The following RELN variants were observed in gnomAD, a reference collection of about 807,000 sequenced individuals.
The protein encoded by RELN is reelin.
A neutral mutation model predicts 427.6 loss-of-function variants in RELN; 108 were observed. That is an observed-to-expected ratio of 0.25 (90% confidence interval 0.22 to 0.30). The LOEUF (loss-of-function observed/expected upper bound fraction) is 0.30. Ranked by LOEUF, RELN falls within the 10% of genes least tolerant of loss-of-function variation. The pLI is 1.00. For missense variants in RELN, 3,715 were observed against 4,302.8 expected, an observed-to-expected ratio of 0.86 and a Z score of 3.82; for synonymous variants, 1,524 against 1,513.4, an observed-to-expected ratio of 1.01 and a Z score of -0.16.
At chr7:103,796,764 G>A (rs1007283737) in intron 3 of RELN, among the ~76,000 whole-genome samples, 8 of 151,468 alleles carry the variant, frequency 5.3e-5, no homozygotes, top group Admixed American at 1.3e-4. Context: ...GGGAGGTTGA[G>A]GCAGAAGAAT....
At position 103,583,728 on chromosome 7, in the gene RELN, T is replaced by C. The variant is rs531970429; in HGVS notation, c.4145+5868A>G. On this transcript the variant is annotated intron_variant, in intron 28 of 64. Coordinates refer to ENST00000428762, the MANE Select transcript of RELN (RefSeq NM_005045.4). ...AGGCACAAAAGGAGAAGGAAACAAG[T>C]AGCCAGCATGGCTGAGATTGGCCAG... Among the ~76,000 whole-genome samples, 3 of 152,306 alleles carry C rather than the reference T, an allele frequency of 2.0e-5. No individual in the cohort carries two copies. In the South Asian group the frequency reaches 6.2e-4, roughly 32 times the overall value.
At chr7:103,602,808 T>G (rs1273435173) in intron 24 of RELN, among the ~76,000 whole-genome samples, 1 of 152,058 alleles carries the variant, frequency 6.6e-6, no homozygotes, top group East Asian at 1.9e-4. Context: ...TCTGCACATG[T>G]ACCCCAGAAC....
intron 1 of RELN, among the ~76,000 whole-genome samples, chr7:103,945,938 A>G (rs1468326987): frequency 6.6e-6 from 1 of 152,168 alleles, no homozygotes; most frequent in Non-Finnish European, 1.5e-5. Flanking sequence ...AGGCTGCACC[A>G]TCTAAGTTTG....
intron 8 of RELN, among the ~76,000 whole-genome samples, chr7:103,707,566 T>A (rs1193218529): frequency 6.6e-6 from 1 of 151,858 alleles, no homozygotes; most frequent in Admixed American, 6.6e-5. Context: ...TGGCGCGATC[T>A]CGGCTCACTG....
intron 3 of RELN, among the ~76,000 whole-genome samples, chr7:103,783,164 C>T (rs67948318): frequency 0.024 from 2,668 of 109,298 alleles, 54 homozygotes; most frequent in Admixed American, 0.055. Context: ...CTCTTTCTTT[C>T]TTTTTTTTTT....
intron 6 of RELN, among the ~76,000 whole-genome samples, chr7:103,735,906 G>C (rs1263151245): frequency 6.6e-6 from 1 of 152,182 alleles, no homozygotes; most frequent in Non-Finnish European, 1.5e-5. Flanking sequence ...CAGTATTTCT[G>C]AATGGAGATA....
chr7:103,839,779 T>C (rs1793506634), intron 2 of RELN, among the ~76,000 whole-genome samples: 2 of 152,194 alleles, frequency 1.3e-5, no homozygotes, highest in South Asian at 4.1e-4. Context: ...CACAACCCTA[T>C]GAAGTAGGAG....
rs192864149 is a variant in RELN at position 103,647,771 on chromosome 7, C to T, written c.2002+2503G>A. On this transcript the variant is annotated intron_variant, in intron 16 of 64. Coordinates refer to ENST00000428762, the MANE Select transcript of RELN (RefSeq NM_005045.4). ...GCAATCCTAAGCAAAAAGAACAAAG[C>T]TGGAGGCATCACATTACCTCACTTC... is the stretch of plus-strand genomic sequence containing the variant. Among the ~76,000 whole-genome samples the T allele has an allele frequency of 2.2e-3, 333 of 152,040 alleles. 1 individual carries two copies. Among genetic ancestry groups the T allele is most frequent in the African/African-American group, 7.4e-3 (308 of 41,500 alleles).
At chr7:103,598,596 AG>A (rs1428894251) in intron 24 of RELN, among the ~76,000 whole-genome samples, 1 of 152,230 alleles carries the variant, frequency 6.6e-6, no homozygotes, top group Admixed American at 6.5e-5. Flanking sequence ...TGTGAAATTC[AG>A]AGTAGTGTTG....
At chr7:103,670,540 T>G (rs200336945) in intron 11 of RELN, among the ~76,000 whole-genome samples, 10 of 27,164 alleles carry the variant, frequency 3.7e-4, no homozygotes, top group African/African-American at 5.1e-4. Context: ...GTTTTGCGGG[T>G]TTTTTTTTGG....
intron 2 of RELN, among the ~76,000 whole-genome samples, chr7:103,852,924 A>G (rs1793860004): frequency 6.6e-6 from 1 of 152,042 alleles, no homozygotes; most frequent in South Asian, 2.1e-4. Flanking sequence ...GACAAATAAC[A>G]ATACTTTTTA....
chr7:103,962,182 C>T (rs1472256750), intron 1 of RELN, among the ~76,000 whole-genome samples: 2 of 152,154 alleles, frequency 1.3e-5, no homozygotes, highest in African/African-American at 2.4e-5. Context: ...CCCTGTTCCC[C>T]GTGCTGAACT....
At chr7:103,762,675 T>C (rs1211048596) in intron 4 of RELN, among the ~76,000 whole-genome samples, 1 of 152,192 alleles carries the variant, frequency 6.6e-6, no homozygotes, top group East Asian at 1.9e-4. Context: ...ACTAAAACCA[T>C]TGTTGTTAGA....
At chr7:103,926,627 G>GTTTTTTTTTTTTTTTTTTTTTTTTTT (rs60259062) in intron 1 of RELN, among the ~76,000 whole-genome samples, 1 of 99,462 alleles carries the variant, frequency 1.0e-5, no homozygotes, top group Non-Finnish European at 2.0e-5. Context: ...AGTATCATAA[G>GTTTTTTTTTTTTTTTTTTTTTTTTTT]TTTTTTTTTT....
At chr7:103,951,763 C>A (rs1796336708) in intron 1 of RELN, among the ~76,000 whole-genome samples, 1 of 151,988 alleles carries the variant, frequency 6.6e-6, no homozygotes, top group African/African-American at 2.4e-5. Context: ...ATCTCCACCT[C>A]CCAGGTTCAA....
At chr7:103,744,081 A>C (rs1043831162) in intron 6 of RELN, among the ~76,000 whole-genome samples, 10 of 152,176 alleles carry the variant, frequency 6.6e-5, no homozygotes, top group African/African-American at 2.4e-4. Flanking sequence ...CCACAGTGCA[A>C]TCAAACTAGA....
intron 48 of RELN, among the ~76,000 whole-genome samples, chr7:103,521,182 T>G (rs913057316): frequency 1.3e-5 from 2 of 151,002 alleles, no homozygotes; most frequent in African/African-American, 4.9e-5. Context: ...GGTTTCACCT[T>G]GTTAGCCAGG....
chr7:103,956,902 GC>G (rs1796444246), intron 1 of RELN, among the ~76,000 whole-genome samples: 1 of 152,106 alleles, frequency 6.6e-6, no homozygotes, highest in African/African-American at 2.4e-5. Context: ...AAAAAAGCAA[GC>G]AGGGGATGAA....
chr7:103,586,382 T>A (rs563871210), intron 28 of RELN, among the ~76,000 whole-genome samples: 4 of 151,258 alleles, frequency 2.6e-5, no homozygotes, highest in East Asian at 3.9e-4. Context: ...AAAATAAAAA[T>A]AAAAAATAAA....
Sources: allele counts gnomAD v4.1 joint callset (sites outside exome capture counted in the v4.1 genomes callset), GRCh38; gene constraint gnomAD v4.1.1; transcripts MANE v1.5; gene names NCBI Gene and HGNC (gene_info 2026-07-23, HGNC 2026-07-21).